MMP2: variants seen among roughly 807,000 people sequenced by gnomAD.
MMP2 encodes 72 kDa type IV collagenase.
A neutral mutation model predicts 74.8 loss-of-function variants in MMP2; 39 were observed. That is an observed-to-expected ratio of 0.52 (90% CI 0.40 to 0.68). The LOEUF is 0.68. MMP2 is among the 30% of genes least tolerant of loss of function. MMP2 has a pLI of 0.00. For synonymous variants in MMP2, 367 were observed against 339.8 expected, an observed-to-expected ratio of 1.08 and a Z score of -0.88; for missense variants, 803 against 878.3, an observed-to-expected ratio of 0.91 and a Z score of 1.08.
chr16:55,505,725 C>T lies in MMP2; in HGVS notation c.*283C>T. ...ATACTTTGATATTTTCAACGCAGCC[C>T]TGCTTTGGGCTGCCCTGGTGCTGCC... On this transcript the variant is annotated 3_prime_UTR_variant, in exon 13 of 13. Coordinates refer to ENST00000219070, the MANE Select transcript of MMP2 (RefSeq NM_004530.6). 1 of 485,284 alleles carries T rather than the reference C, an allele frequency of 2.1e-6. No homozygotes were observed. The highest frequency in any genetic ancestry group is 3.8e-6 in the Non-Finnish European group (1 of 264,448). 30.1% of individuals were successfully genotyped at this position (485,284 alleles called of 1,614,324 possible).
intron 5 of MMP2, chr16:55,487,476 G>C (rs963873134): frequency 2.0e-5 from 3 of 152,332 alleles, no homozygotes; most frequent in African/African-American, 7.2e-5. Flanking sequence ...AGGTGCCATT[G>C]TTTCTGGCAT....
chr16:55,501,370 C>T (rs1244107472), intron 11 of MMP2, among the ~76,000 whole-genome samples: 3 of 152,228 alleles, frequency 2.0e-5, no homozygotes, highest in Non-Finnish European at 4.4e-5. Context: ...GTTTCCTCAT[C>T]TGTAAAATGG....
intron 6 of MMP2, among the ~76,000 whole-genome samples, chr16:55,489,119 G>T (rs56826069): frequency 0.01 from 1,529 of 152,038 alleles, 34 homozygotes; most frequent in African/African-American, 0.034. Flanking sequence ...TAAGAGCTCC[G>T]TGCTTTCCTC....
At chr16:55,500,482 C>T (rs909518862) in intron 11 of MMP2, among the ~76,000 whole-genome samples, 8 of 145,376 alleles carry the variant, frequency 5.5e-5, no homozygotes, top group Admixed American at 2.8e-4. Context: ...TGATTGTGTG[C>T]GCATGTGCGC....
At chr16:55,482,812 G>C in intron 1 of MMP2, 97 bp from the exon 2 acceptor site, 1 of 1,030,756 alleles carries the variant, frequency 9.7e-7, no homozygotes, top group East Asian at 2.5e-5. Flanking sequence ...TCTGGACTAT[G>C]GCACTGGGTT....
rs752576614 is a variant in MMP2, at chr16:55,488,684, G to T, written c.974G>T (p.Arg325Leu). ...RWCGTTEDYD[R>L]DKKYGFCPET... ...TGCGGCACCACTGAGGACTACGACC[G>T]CGACAAGAAGTATGGCTTCTGCCCT... Residue 325 changes from arginine (R) to leucine (L), a missense_variant, in exon 6 of 13, where the codon CGC becomes CTC. Arg to Leu is a moderately radical substitution (Grantham distance 102). This residue lies in a region of MMP2 where 555 missense variants were observed against 592.0 expected (regional missense o/e 0.94). Transcript: ENST00000219070. 6.2e-7 allele frequency: 1 copy of T among 1,610,346 alleles called. No homozygotes were observed. Among genetic ancestry groups the T allele is most frequent in the African/African-American group, 1.3e-5 (1 of 74,872 alleles).
Position 55,485,725 on chromosome 16 carries a change from C to T in MMP2, c.780C>T (p.Ser260=), listed in dbSNP as rs939169068. The T allele has an allele frequency of 3.7e-6, 6 of 1,614,128 alleles. No homozygotes were observed. Among genetic ancestry groups the T allele is most frequent in the Non-Finnish European group, 4.2e-6 (5 of 1,180,030 alleles). The change falls in exon 5 of 13, where the codon TCC becomes TCT. Residue 260 remains serine (S), a synonymous_variant. Transcript: ENST00000219070. ...TGRSDGFLWC[S]TTYNFEKDGK... ...GCAGCGATGGCTTCCTCTGGTGCTC[C>T]ACCACCTACAACTTTGAGAAGGATG...
chr16:55,491,759 T>G (rs372592218), intron 7 of MMP2, 42 bp from the exon 8 acceptor site: 168 of 1,612,088 alleles, frequency 1.0e-4, no homozygotes, highest in Non-Finnish European at 1.4e-4. Context: ...CTCTCATCTC[T>G]CTTCCTGTCT....
At chr16:55,487,496 A>G (rs1026663779) in intron 5 of MMP2, 11 of 152,252 alleles carry the variant, frequency 7.2e-5, no homozygotes, top group African/African-American at 2.4e-4. Flanking sequence ...TTGCAGGACA[A>G]GGTCTTTTGG....
chr16:55,498,225 G>A, intron 10 of MMP2, 64 bp from the exon 11 acceptor site: 2 of 1,600,022 alleles, frequency 1.2e-6, no homozygotes, highest in Non-Finnish European at 1.7e-6. Flanking sequence ...GACAGATGAT[G>A]GGAGGAACAG....
chr16:55,480,228 A>G (rs1224633472), intron 1 of MMP2, among the ~76,000 whole-genome samples: 1 of 152,064 alleles, frequency 6.6e-6, no homozygotes, highest in East Asian at 1.9e-4. Flanking sequence ...CCGGAGAGGG[A>G]CCTTTAAACA....
At chr16:55,486,354 T>TGTGTGC (rs1962258115) in intron 5 of MMP2, among the ~76,000 whole-genome samples, 1 of 66,514 alleles carries the variant, frequency 1.5e-5, no homozygotes, top group Non-Finnish European at 3.6e-5. Flanking sequence ...TGCCTGTGTG[T>TGTGTGC]GTGTGTGTGT....
chr16:55,503,590 G>A (rs1962723549), intron 12 of MMP2, among the ~76,000 whole-genome samples: 1 of 151,954 alleles, frequency 6.6e-6, no homozygotes, highest in African/African-American at 2.4e-5. Context: ...AGAAAATGCA[G>A]TGTACAATCA....
chr16:55,491,203 A>G (rs1003325561), intron 7 of MMP2, among the ~76,000 whole-genome samples: 2 of 151,652 alleles, frequency 1.3e-5, no homozygotes, highest in Non-Finnish European at 2.9e-5. Context: ...GTTCACATTC[A>G]CAGGTCCCTA....
chr16:55,498,401 G>A lies in MMP2; in HGVS notation c.1722G>A (p.Trp574Ter), dbSNP rs1167957505. ...DVQRVDAAFN[W>*]SKNKKTYIFA... ...AGCGAGTGGATGCCGCCTTTAACTG[G>A]AGCAAAAACAAGAAGACATACATCT... The change falls in exon 11 of 13, where the codon TGG (tryptophan) becomes TGA (stop). Residue 574 changes from tryptophan (W) to a stop codon, truncating the protein, a stop_gained. Coordinates refer to ENST00000219070, the MANE Select transcript of MMP2 (RefSeq NM_004530.6). LOFTEE classifies it high-confidence loss of function. 6.2e-7 allele frequency: 1 copy of A among 1,614,100 alleles called. No individual in the cohort carries two copies. The highest frequency in any genetic ancestry group is 8.5e-7 in the Non-Finnish European group (1 of 1,180,054).
Position 55,488,542 on chromosome 16 carries a change from G to T in MMP2, c.833-1G>T. 2 of 1,613,620 alleles carry T rather than the reference G, an allele frequency of 1.2e-6. No homozygotes were observed. The highest frequency in any genetic ancestry group is 1.7e-6 in the Non-Finnish European group (2 of 1,179,892). The stretch of plus-strand genomic sequence containing the variant: ...TCCTTCCCTCTCTCCCCCACCCTTA[G>T]CCCTGTTCACCATGGGCGGCAACGC... On this transcript the variant is annotated splice_acceptor_variant, in intron 5 of 12. Coordinates refer to ENST00000219070, the MANE Select transcript of MMP2 (RefSeq NM_004530.6). LOFTEE classifies it high-confidence loss of function.
chr16:55,479,656 G>A, intron 1 of MMP2, 24 bp downstream of exon 1: 3 of 1,613,634 alleles, frequency 1.9e-6, no homozygotes, highest in Non-Finnish European at 1.7e-6. Flanking sequence ...CTGGCCTCAA[G>A]GAACCACGTT....
At chr16:55,499,678 G>T (rs1186977048) in intron 11 of MMP2, among the ~76,000 whole-genome samples, 1 of 152,130 alleles carries the variant, frequency 6.6e-6, no homozygotes, top group Non-Finnish European at 1.5e-5. Flanking sequence ...GGAAACGGAG[G>T]TCCAAAGAAA....
chr16:55,490,191 A>T (rs1453015748), intron 7 of MMP2, among the ~76,000 whole-genome samples: 1 of 152,202 alleles, frequency 6.6e-6, no homozygotes, highest in South Asian at 2.1e-4. Flanking sequence ...CTGAGCACAG[A>T]TTACCAGAGA....
Sources: allele counts gnomAD v4.1 joint callset (sites outside exome capture counted in the v4.1 genomes callset), GRCh38; gene constraint gnomAD v4.1.1; regional missense constraint gnomAD v4.1.1; transcripts MANE v1.5; gene names NCBI Gene and HGNC (gene_info 2026-07-23, HGNC 2026-07-21).